The following ZNF614 variants were observed in gnomAD, a reference collection of about 807,000 sequenced individuals.
ZNF614 encodes the protein zinc finger protein 614.
In ZNF614, 11 loss-of-function variants were observed where a neutral mutation model predicts 12.8. That is an observed-to-expected ratio of 0.86 (90% CI 0.54 to 1.43). The LOEUF (loss-of-function observed/expected upper bound fraction) is 1.43. Ranked by LOEUF, ZNF614 falls within the 40% of genes most tolerant of loss-of-function variation. The pLI is 0.00. For synonymous variants in ZNF614, 237 were observed against 237.5 expected (o/e 1.00, Z 0.02); for missense variants, 664 against 708.8 (o/e 0.94, Z 0.72).
At position 52,025,771 on chromosome 19, in the gene ZNF614, G is replaced by T; in HGVS notation, c.-26C>A. 4.3e-6 allele frequency: 7 copies of T among 1,613,028 alleles called. No homozygotes were observed. Among genetic ancestry groups the T allele is most frequent in the Non-Finnish European group, 5.9e-6 (7 of 1,179,316 alleles). On this transcript the variant is annotated 5_prime_UTR_variant, in exon 2 of 5. Coordinates refer to ENST00000270649, the MANE Select transcript of ZNF614 (RefSeq NM_025040.4). ...TTTCTTCTGTGCTCAGAAAATAGTG[G>T]ATAACATGGACTATACGTCTTTGTC...
rs1253117071 is a variant in ZNF614 at position 52,017,374 on chromosome 19, A to G, written c.239-15T>C. The G allele has an allele frequency of 6.4e-7, 1 of 1,569,042 alleles. No homozygotes were observed. Among genetic ancestry groups the G allele is most frequent in the Non-Finnish European group, 8.6e-7 (1 of 1,162,604 alleles). On this transcript the variant is annotated splice_polypyrimidine_tract_variant and intron_variant, in intron 4 of 4. Transcript: ENST00000270649. ...TTTCCCGATTCCTAAGAAAGAACAGAGTAACAAATTCTTCCATGAGAATTG... is the reference window on the plus strand; with the variant it reads ...TTTCCCGATTCCTAAGAAAGAACAGGGTAACAAATTCTTCCATGAGAATTG...
At chr19:52,022,463 G>A (rs1402481799) in intron 2 of ZNF614, among the ~76,000 whole-genome samples, 1 of 152,212 alleles carries the variant, frequency 6.6e-6, no homozygotes, top group Non-Finnish European at 1.5e-5. Context: ...GCGCCTTTGC[G>A]CGGCTGCTGT....
At position 52,016,092 on chromosome 19, in the gene ZNF614, C is replaced by T. The variant is rs1457017824; in HGVS notation, c.1506G>A (p.Gln502=). 7 of 1,614,130 alleles carry T rather than the reference C, an allele frequency of 4.3e-6. No individual in the cohort carries two copies. The highest frequency in any genetic ancestry group is 1.6e-4 in the Middle Eastern group (1 of 6,062). The change falls in exon 5 of 5, where the codon CAG becomes CAA. Residue 502 remains glutamine (Q), a synonymous_variant. Coordinates refer to ENST00000270649, the MANE Select transcript of ZNF614 (RefSeq NM_025040.4). The stretch of plus-strand genomic sequence containing the variant: ...AAGGTTTCTCTCCTGTGTGAATTCT[C>T]TGATGGGTAATGAGGCCATATTTGT... ...YSHKYGLITH[Q]RIHTGEKPYE...
At chr19:52,019,424 TA>T (rs1240451672) in intron 2 of ZNF614, among the ~76,000 whole-genome samples, 1 of 152,104 alleles carries the variant, frequency 6.6e-6, no homozygotes. Context: ...ATCCAAAACC[TA>T]AAATATTTCA....
Position 52,015,777 on chromosome 19 carries a change from C to T in ZNF614, c.*63G>A. 3 of 1,457,752 alleles carry T rather than the reference C, an allele frequency of 2.1e-6. No homozygotes were observed. Among genetic ancestry groups the T allele is most frequent in the Non-Finnish European group, 2.8e-6 (3 of 1,075,486 alleles). 90.3% of individuals were successfully genotyped at this position (1,457,752 alleles called of 1,614,324 possible). A position where few individuals can be genotyped will look rare whatever the true frequency, so the allele number is the denominator to read the frequency against. ...GAAACACACTGATGTTTAATGAAGT[C>T]TGAGTTGCCACAAAAGGCATTTCCA... is the stretch of plus-strand genomic sequence containing the variant. On this transcript the variant is annotated 3_prime_UTR_variant, in exon 5 of 5. Transcript: ENST00000270649.
chr19:52,016,794 A>G lies in ZNF614; in HGVS notation c.804T>C (p.Ser268=). Residue 268 remains serine (S), a synonymous_variant, in exon 5 of 5, where the codon TCT becomes TCC. Transcript: ENST00000270649. Reference sequence around the variant, plus strand: ...GTGTAATGAGACTACTCTTCACAGTAGAGCCTTTTCTATATTCATTGGGTA... The same window carrying G: ...GTGTAATGAGACTACTCTTCACAGTGGAGCCTTTTCTATATTCATTGGGTA... ...ICIPNEYRKG[S]TVKSSLITHQ... 6.2e-7 allele frequency: 1 copy of G among 1,614,190 alleles called. No individual in the cohort carries two copies. The highest frequency in any genetic ancestry group is 2.2e-5 in the East Asian group (1 of 44,880).
rs965033410 is a variant in ZNF614, at chr19:52,014,737, G to A, written c.*1103C>T. ...GCACCCCTCCCCTTCCAGGAGGTGG[G>A]AGAAATGGGGCACAAAGTCTCCATC... On this transcript the variant is annotated 3_prime_UTR_variant, in exon 5 of 5. Transcript: ENST00000270649. 3 of 152,202 alleles carry A rather than the reference G, an allele frequency of 2.0e-5. No homozygotes were observed. In the East Asian group the frequency reaches 5.8e-4, roughly 29 times the overall value. The allele number at this position is 152,202 out of a possible 1,614,324, so 9.4% of individuals were successfully genotyped here. A position where few individuals can be genotyped will look rare whatever the true frequency, so the allele number is the denominator to read the frequency against.
In ZNF614 at chr19:52,014,518, C is replaced by T. The variant is rs1568512916; in HGVS notation, c.*1322G>A. On this transcript the variant is annotated 3_prime_UTR_variant, in exon 5 of 5. Transcript: ENST00000270649. The stretch of plus-strand genomic sequence containing the variant: ...ATAATTTGCTACAGGGCTCACAAAA[C>T]TCAAGAAAACAGCGTACTTTGTTTT... 1 of 152,152 alleles carries T rather than the reference C, an allele frequency of 6.6e-6. No homozygotes were observed. Among genetic ancestry groups the T allele is most frequent in the African/African-American group, 2.4e-5 (1 of 41,426 alleles). 9.4% of individuals were successfully genotyped at this position (152,152 alleles called of 1,614,324 possible). A position where few individuals can be genotyped will look rare whatever the true frequency, so the allele number is the denominator to read the frequency against.
intron 2 of ZNF614, among the ~76,000 whole-genome samples, chr19:52,023,748 T>C (rs899821819): frequency 2.0e-5 from 3 of 152,112 alleles, no homozygotes; most frequent in Admixed American, 6.5e-5. Context: ...GAAAAATAAA[T>C]ATACATTTGG....
chr19:52,017,407 T>C (rs1251706170), intron 4 of ZNF614, 48 bp from the exon 5 acceptor site: 1 of 1,522,596 alleles, frequency 6.6e-7, no homozygotes, highest in East Asian at 2.3e-5. Flanking sequence ...TTGTATGAGA[T>C]AAAAATGCTT....
chr19:52,022,099 T>C (rs963331037), intron 2 of ZNF614, among the ~76,000 whole-genome samples: 1 of 152,224 alleles, frequency 6.6e-6, no homozygotes, highest in South Asian at 2.1e-4. Context: ...TTTGATAACA[T>C]AGTAAGTGTT....
chr19:52,022,378 GC>G (rs2086937636), intron 2 of ZNF614, among the ~76,000 whole-genome samples: 1 of 151,582 alleles, frequency 6.6e-6, no homozygotes, highest in African/African-American at 2.4e-5. Context: ...CTGCCCGGCC[GC>G]CCCACACCAC....
rs3840908 is a variant in ZNF614 at position 52,028,350 on chromosome 19, C to CG, written c.-326dup. 0.19 allele frequency: 29,650 copies of CG among 152,352 alleles called. 3,222 individuals are homozygous for CG. Among genetic ancestry groups the CG allele is most frequent in the East Asian group, 0.38 (1,967 of 5,176 alleles). The allele number at this position is 152,352 out of a possible 1,614,324, so 9.4% of individuals were successfully genotyped here. On this transcript the variant is annotated 5_prime_UTR_variant, in exon 1 of 5. Transcript: ENST00000270649. ...CCTGCGCGGACTCCGGGAAGCTGAG[C>CG]GGTAAAGACCGTGAAGCGAGGCGAG... is the stretch of plus-strand genomic sequence containing the variant.
intron 2 of ZNF614, among the ~76,000 whole-genome samples, chr19:52,024,890 C>CGTG: frequency 6.6e-6 from 1 of 152,140 alleles, no homozygotes; most frequent in Admixed American, 6.5e-5. Context: ...CGTCCCCCAG[C>CGTG]ATGACACCGG....
chr19:52,027,720 T>G (rs566626673), intron 1 of ZNF614, among the ~76,000 whole-genome samples: 1 of 152,226 alleles, frequency 6.6e-6, no homozygotes, highest in Non-Finnish European at 1.5e-5. Flanking sequence ...TATGATAATT[T>G]AAAAACGTAT....
Position 52,017,298 on chromosome 19 carries a change from G to A in ZNF614, c.300C>T (p.Ser100=), listed in dbSNP as rs200597136. 6.8e-6 allele frequency: 11 copies of A among 1,613,464 alleles called. No individual in the cohort carries two copies. Among genetic ancestry groups the A allele is most frequent in the East Asian group, 4.5e-5 (2 of 44,888 alleles). The change falls in exon 5 of 5, where the codon AGC becomes AGT. Residue 100 remains serine (S), a synonymous_variant. Coordinates refer to ENST00000270649, the MANE Select transcript of ZNF614 (RefSeq NM_025040.4). ...TATTCTGTCCATTGCATTGCTGCAC[G>A]CTCTTCAGAAGTCTTTGGTTTGGAG... The part of the protein sequence containing the change: ...EHSPNQRLLK[S]VQQCNGQNTL...
At position 52,013,379 on chromosome 19, in the gene ZNF614, A is replaced by G; in HGVS notation, c.*2461T>C. ...TTAAAACCAGGAAAACAGTGCAAAT[A>G]TATCTCATAGGTGAATGGATAAACT... is the stretch of plus-strand genomic sequence containing the variant. On this transcript the variant is annotated 3_prime_UTR_variant, in exon 5 of 5. Transcript: ENST00000270649. 3.5e-6 allele frequency: 1 copy of G among 283,580 alleles called. No homozygotes were observed. The highest frequency in any genetic ancestry group is 6.9e-6 in the Non-Finnish European group (1 of 143,972). 17.6% of individuals were successfully genotyped at this position (283,580 alleles called of 1,614,324 possible).
At position 52,018,456 on chromosome 19, in the gene ZNF614, G is replaced by A; in HGVS notation, c.54C>T (p.Ser18=). The change falls in exon 3 of 5, where the codon AGC becomes AGT. Residue 18 remains serine, a synonymous_variant. Coordinates refer to ENST00000270649, the MANE Select transcript of ZNF614 (RefSeq NM_025040.4). ...LTLEDVAVEF[S]WEEWQLLDTA... ...TGTCCAGGAGCTGCCACTCCTCCCA[G>A]CTGAATTCCACAGCCACATCCTCCA... 1.9e-6 allele frequency: 3 copies of A among 1,614,118 alleles called. No homozygotes were observed. The highest frequency in any genetic ancestry group is 2.5e-6 in the Non-Finnish European group (3 of 1,180,004).
intron 2 of ZNF614, among the ~76,000 whole-genome samples, chr19:52,020,659 G>A (rs1309018641): frequency 1.3e-5 from 2 of 152,184 alleles, no homozygotes; most frequent in Admixed American, 1.3e-4. Flanking sequence ...GGTATTACAT[G>A]GCTCAAAGCC....
Sources: allele counts gnomAD v4.1 joint callset (sites outside exome capture counted in the v4.1 genomes callset), GRCh38; gene constraint gnomAD v4.1.1; transcripts MANE v1.5; gene names NCBI Gene and HGNC (gene_info 2026-07-23, HGNC 2026-07-21).